SLC47A1: variants seen among roughly 807,000 people sequenced by gnomAD.
The protein encoded by SLC47A1 is multidrug and toxin extrusion protein 1.
Under a neutral mutation model 65.8 loss-of-function variants are expected in SLC47A1, and 58 were observed. The observed-to-expected ratio is 0.88, with a 90% CI of 0.71 to 1.10. The LOEUF is 1.10. Ranked by LOEUF, SLC47A1 falls within the 50% of genes least tolerant of loss-of-function variation. The pLI, the probability that SLC47A1 is intolerant of heterozygous loss-of-function variation, is 0.00. For missense variants in SLC47A1, 706 were observed against 719.2 expected, an observed-to-expected ratio of 0.98 and a Z score of 0.21; for synonymous variants, 285 against 295.0, an observed-to-expected ratio of 0.97 and a Z score of 0.35.
chr17:19,548,019 T>C lies in SLC47A1; in HGVS notation c.341T>C (p.Val114Ala). 6.2e-7 allele frequency: 1 copy of C among 1,613,938 alleles called. No homozygotes were observed. Among genetic ancestry groups the C allele is most frequent in the Non-Finnish European group, 8.5e-7 (1 of 1,179,868 alleles). ...YGSQNLKHVG[V>A]ILQRSALVLL... ...AGCCAGAACCTGAAGCACGTGGGCG[T>C]GATCCTGCAGCGGAGTGCGCTCGTC... Residue 114 changes from valine (V) to alanine (A), a missense_variant, in exon 4 of 17, where the codon GTG becomes GCG. Transcript: ENST00000270570.
intron 2 of SLC47A1, among the ~76,000 whole-genome samples, chr17:19,544,881 C>T (rs1003294115): frequency 6.6e-6 from 1 of 152,182 alleles, no homozygotes; most frequent in African/African-American, 2.4e-5. Context: ...ATCTTGTAAC[C>T]GTAATAGGCT....
At chr17:19,554,052 C>G (rs895111990) in intron 6 of SLC47A1, among the ~76,000 whole-genome samples, 1 of 152,216 alleles carries the variant, frequency 6.6e-6, no homozygotes, top group Non-Finnish European at 1.5e-5. Context: ...AGAGACAGGA[C>G]TGTAGGCCAG....
At chr17:19,572,480 A>AT (rs2084407463) in intron 15 of SLC47A1, among the ~76,000 whole-genome samples, 1 of 151,198 alleles carries the variant, frequency 6.6e-6, no homozygotes, top group African/African-American at 2.4e-5. Flanking sequence ...TGTTGTTGTT[A>AT]TTTTTTTGTT....
chr17:19,572,847 A>G lies in SLC47A1; in HGVS notation c.1472A>G (p.Asp491Gly), dbSNP rs2084410814. The G allele has an allele frequency of 6.2e-7, 1 of 1,614,104 alleles. No homozygotes were observed. Among genetic ancestry groups the G allele is most frequent in the Non-Finnish European group, 8.5e-7 (1 of 1,180,018 alleles). The change falls in exon 16 of 17, where the codon GAT becomes GGT. Residue 491 changes from aspartate (D) to glycine (G), a missense_variant. Coordinates refer to ENST00000270570, the MANE Select transcript of SLC47A1 (RefSeq NM_018242.3). ...PRSGNSALPQ[D>G]PLHPGCPENL... is the part of the protein sequence containing the mutation. ...AGTGGGAATTCTGCTCTCCCTCAGG[A>G]TCCGCTTCACCCAGGTAAGATATGA...
In SLC47A1 at chr17:19,534,032, C is replaced by A; in HGVS notation, c.93C>A (p.Phe31Leu). 1 of 1,547,894 alleles carries A rather than the reference C, an allele frequency of 6.5e-7. No individual in the cohort carries two copies. Among genetic ancestry groups the A allele is most frequent in the Admixed American group, 2.0e-5 (1 of 51,132 alleles). The change falls in exon 1 of 17, where the codon TTC (phenylalanine) becomes TTA (leucine). Residue 31 changes from phenylalanine to leucine, a missense_variant. Transcript: ENST00000270570. ...CGCGCTGCTTGCGGCTGTCCGCCTT[C>A]CGAGAAGAGCTGCGGGCGCTCTTGG... is the stretch of plus-strand genomic sequence containing the variant. Reference protein sequence around the residue: ...RGSRCLRLSAFREELRALLVL... With the variant: ...RGSRCLRLSALREELRALLVL...
At chr17:19,557,897 C>CAA (rs67441443) in intron 10 of SLC47A1, 26 of 142,876 alleles carry the variant, frequency 1.8e-4, no homozygotes, top group South Asian at 5.4e-4. Context: ...ACTTTCCCTC[C>CAA]AAAAAAAAAA....
chr17:19,554,627 C>G (rs1009893412), intron 6 of SLC47A1, among the ~76,000 whole-genome samples: 1 of 152,168 alleles, frequency 6.6e-6, no homozygotes, highest in African/African-American at 2.4e-5. Context: ...GTCTGCTATT[C>G]TATCCGGATG....
chr17:19,534,302 G>C (rs1292996887), intron 1 of SLC47A1: 1 of 505,686 alleles, frequency 2.0e-6, no homozygotes, highest in Non-Finnish European at 3.3e-6. Context: ...GGGCACTGCG[G>C]GAACGGCTGG....
chr17:19,561,633 ACT>A (rs2084311957), intron 12 of SLC47A1, among the ~76,000 whole-genome samples: 1 of 138,520 alleles, frequency 7.2e-6, no homozygotes, highest in Non-Finnish European at 1.5e-5. Context: ...ACAGGGCAAG[ACT>A]CTGTCTCAAA....
At chr17:19,555,426 G>A in intron 7 of SLC47A1, 117 bp downstream of exon 7, 2 of 1,313,282 alleles carry the variant, frequency 1.5e-6, no homozygotes, top group Non-Finnish European at 1.1e-6. Context: ...TCTCTTTCTT[G>A]CACACTGTGG....
intron 1 of SLC47A1, among the ~76,000 whole-genome samples, chr17:19,541,814 T>C (rs1378772903): frequency 6.6e-6 from 1 of 152,138 alleles, no homozygotes; most frequent in Non-Finnish European, 1.5e-5. Context: ...ATCTATGGCT[T>C]GAGAAACTGA....
intron 14 of SLC47A1, among the ~76,000 whole-genome samples, chr17:19,570,315 G>A (rs1450595795): frequency 6.6e-6 from 1 of 152,150 alleles, no homozygotes; most frequent in South Asian, 2.1e-4. Context: ...TGTATTCTCA[G>A]CAAGGGTGTT....
chr17:19,578,037 C>T lies in SLC47A1; in HGVS notation c.*484C>T. The T allele has an allele frequency of 8.7e-7, 1 of 1,147,814 alleles. No homozygotes were observed. Among genetic ancestry groups the T allele is most frequent in the Non-Finnish European group, 1.2e-6 (1 of 861,032 alleles). 71.1% of individuals were successfully genotyped at this position (1,147,814 alleles called of 1,614,324 possible). Reference sequence around the variant, plus strand: ...TTGCTCTGTCATGCAGGCTGGAGTGCGGTGGTGCGATCATAGCTCACTGCA... The same window carrying T: ...TTGCTCTGTCATGCAGGCTGGAGTGTGGTGGTGCGATCATAGCTCACTGCA... On this transcript the variant is annotated 3_prime_UTR_variant, in exon 17 of 17. Transcript: ENST00000270570.
rs191303332 is a variant in SLC47A1 at position 19,568,543 on chromosome 17, T to C, written c.1309+1315T>C. On this transcript the variant is annotated intron_variant, in intron 14 of 16. Transcript: ENST00000270570. Reference sequence around the variant, plus strand: ...TATATTATATCTTTTAAACTTTAAATTGACAAATTATAGTTGTATACATTT... The same window carrying C: ...TATATTATATCTTTTAAACTTTAAACTGACAAATTATAGTTGTATACATTT... 7.9e-5 allele frequency among the ~76,000 whole-genome samples: 12 copies of C among 152,346 alleles called. No individual in the cohort carries two copies. In the East Asian group the frequency reaches 1.9e-3, roughly 24 times the overall value.
In SLC47A1 at chr17:19,577,657, C is replaced by G. The variant is rs1449020344; in HGVS notation, c.*104C>G. 2 of 1,525,002 alleles carry G rather than the reference C, an allele frequency of 1.3e-6. No homozygotes were observed. The highest frequency in any genetic ancestry group is 1.7e-6 in the Non-Finnish European group (2 of 1,143,500). The allele number at this position is 1,525,002 out of a possible 1,614,324, so 94.5% of individuals were successfully genotyped here. A position where few individuals can be genotyped will look rare whatever the true frequency, so the allele number is the denominator to read the frequency against. On this transcript the variant is annotated 3_prime_UTR_variant, in exon 17 of 17. Coordinates refer to ENST00000270570, the MANE Select transcript of SLC47A1 (RefSeq NM_018242.3). Reference sequence around the variant, plus strand: ...TGTGAGTTAATGTCATTCAGGTGTGCCCATGGATTTTGAGGGCTGGAAATG... The same window carrying G: ...TGTGAGTTAATGTCATTCAGGTGTGGCCATGGATTTTGAGGGCTGGAAATG...
rs2084297982 is a variant in SLC47A1, at chr17:19,560,279, T to C, written c.1013T>C (p.Val338Ala). 1 of 1,613,742 alleles carries C rather than the reference T, an allele frequency of 6.2e-7. No individual in the cohort carries two copies. Among genetic ancestry groups the C allele is most frequent in the Non-Finnish European group, 8.5e-7 (1 of 1,179,796 alleles). ...DMEQARKSST[V>A]SLLITVLFAV... ...GAGCAGGCACGGAAGTCCTCTACCGTTTCCCTGCTGATTACAGGTGCTGAG... is the reference window on the plus strand; with the variant it reads ...GAGCAGGCACGGAAGTCCTCTACCGCTTCCCTGCTGATTACAGGTGCTGAG... Residue 338 changes from valine to alanine, a missense_variant, in exon 11 of 17, where the codon GTT (valine) becomes GCT (alanine). By Grantham distance (64) the Val-to-Ala change is moderately conservative. Transcript: ENST00000270570.
At chr17:19,555,159 A>G in intron 6 of SLC47A1, 53 bp from the exon 7 acceptor site, 1 of 1,529,230 alleles carries the variant, frequency 6.5e-7, no homozygotes, top group South Asian at 1.1e-5. Context: ...GGTAGCAGAA[A>G]GGCAGTCCTA....
chr17:19,551,844 C>T (rs539066662), intron 6 of SLC47A1, among the ~76,000 whole-genome samples: 4 of 152,336 alleles, frequency 2.6e-5, no homozygotes, highest in Non-Finnish European at 4.4e-5. Context: ...GGGGGCAGCT[C>T]GTCTGGCAGA....
At chr17:19,554,079 T>C (rs1916533149) in intron 6 of SLC47A1, among the ~76,000 whole-genome samples, 1 of 152,046 alleles carries the variant, frequency 6.6e-6, no homozygotes, top group South Asian at 2.1e-4. Flanking sequence ...TGCAGTTGTG[T>C]TTATTGGCCT....
Sources: allele counts gnomAD v4.1 joint callset (sites outside exome capture counted in the v4.1 genomes callset), GRCh38; gene constraint gnomAD v4.1.1; transcripts MANE v1.5; gene names NCBI Gene and HGNC (gene_info 2026-07-23, HGNC 2026-07-21).